Variants in APCDD1 observed in about 807,000 individuals in gnomAD.
APCDD1 encodes the protein protein APCDD1.
Under a neutral mutation model 38.1 loss-of-function variants are expected in APCDD1, and 15 were observed. The observed-to-expected ratio is 0.39, with a 90% CI of 0.26 to 0.61. The LOEUF (loss-of-function observed/expected upper bound fraction) is 0.61. Ranked by LOEUF, APCDD1 falls within the 20% of genes least tolerant of loss-of-function variation. The probability of loss-of-function intolerance (pLI) is 0.49; values close to 1 mark genes in which losing one functional copy is unlikely to be tolerated. For synonymous variants in APCDD1, 261 were observed against 279.7 expected (o/e 0.93, Z 0.67); for missense variants, 647 against 696.2 (o/e 0.93, Z 0.79).
At chr18:10,481,685 A>T (rs1011974594) in intron 3 of APCDD1, among the ~76,000 whole-genome samples, 25 of 151,610 alleles carry the variant, frequency 1.6e-4, no homozygotes, top group African/African-American at 5.3e-4. Context: ...ACAGTAATAA[A>T]AAAAAAAAAG....
rs2031241475 is a variant in APCDD1, at chr18:10,485,890, A to G, written c.1096+107A>G. 2 of 1,292,938 alleles carry G rather than the reference A, an allele frequency of 1.5e-6. No individual in the cohort carries two copies. The highest frequency in any genetic ancestry group is 2.5e-5 in the East Asian group (1 of 39,956). 80.1% of individuals were successfully genotyped at this position (1,292,938 alleles called of 1,614,324 possible). ...GGACCTCTTTTCTGCCTGAGTTCCC[A>G]GGAAAGAAATTGGGGAGTCATTTCT... On this transcript the variant is annotated intron_variant, in intron 4 of 4. Transcript: ENST00000355285. The surrounding 1 kb of genome is among the most constrained non-coding windows in gnomAD (Gnocchi z 5.8).
intron 1 of APCDD1, among the ~76,000 whole-genome samples, chr18:10,463,638 T>C (rs1420288185): frequency 6.6e-6 from 1 of 152,190 alleles, no homozygotes; most frequent in Non-Finnish European, 1.5e-5. Flanking sequence ...AGGAAAGTCA[T>C]CCACATTTGC....
intron 3 of APCDD1, among the ~76,000 whole-genome samples, chr18:10,481,980 A>G (rs1056365777): frequency 6.6e-6 from 1 of 152,094 alleles, no homozygotes; most frequent in African/African-American, 2.4e-5. Flanking sequence ...ATTATTGCTA[A>G]AGGAAAGCAC....
chr18:10,473,574 T>C (rs1357104581), intron 3 of APCDD1, among the ~76,000 whole-genome samples: 1 of 152,206 alleles, frequency 6.6e-6, no homozygotes, highest in Non-Finnish European at 1.5e-5. Context: ...TTTCCTAGAA[T>C]GGGACACAGG....
chr18:10,481,944 G>A (rs1786682), intron 3 of APCDD1, among the ~76,000 whole-genome samples: 82,766 of 151,902 alleles, frequency 0.54, 24,009 homozygotes, highest in African/African-American at 0.75. Context: ...CTGGGTCCTC[G>A]TCTCGGAGCT....
chr18:10,460,144 A>T (rs1336826098), intron 1 of APCDD1, among the ~76,000 whole-genome samples: 1 of 152,230 alleles, frequency 6.6e-6, no homozygotes, highest in Non-Finnish European at 1.5e-5. Flanking sequence ...ATAGATCAGA[A>T]CTTTTGATTT....
In APCDD1 at chr18:10,488,071, G is replaced by A. The variant is rs1365542801; in HGVS notation, c.*33G>A. On this transcript the variant is annotated 3_prime_UTR_variant, in exon 5 of 5. Coordinates refer to ENST00000355285, the MANE Select transcript of APCDD1 (RefSeq NM_153000.5). ...AGAAAGTTCTATTTTTCCAAACCAG[G>A]ATTCCTTACTATTGACAGATTTGCT... 6.2e-7 allele frequency: 1 copy of A among 1,609,610 alleles called. No homozygotes were observed. The highest frequency in any genetic ancestry group is 1.3e-5 in the African/African-American group (1 of 74,874).
At position 10,471,560 on chromosome 18, in the gene APCDD1, CACAAGGTCCT is replaced by C. The variant is rs754683546; in HGVS notation, c.277_286del (p.Arg93AspfsTer57). ...AAGTAAGGTCAGGCCCAGAGTTCATCACAAGGTCCTACAGATTCTACCACAATAACACCTT... is the reference window on the plus strand; with the variant it reads ...AAGTAAGGTCAGGCCCAGAGTTCATCACAGATTCTACCACAATAACACCTT... On this transcript the variant is annotated frameshift_variant, in exon 3 of 5. Transcript: ENST00000355285. LOFTEE classifies it high-confidence loss of function. The surrounding 1 kb of genome is among the most constrained non-coding windows in gnomAD (Gnocchi z 5.5). 3 of 1,614,226 alleles carry C rather than the reference CACAAGGTCCT, an allele frequency of 1.9e-6. No individual in the cohort carries two copies. The highest frequency in any genetic ancestry group is 2.5e-6 in the Non-Finnish European group (3 of 1,180,046).
At chr18:10,468,695 C>T in intron 2 of APCDD1, 43 bp downstream of exon 2, 1 of 1,597,822 alleles carries the variant, frequency 6.3e-7, no homozygotes, top group Non-Finnish European at 8.6e-7. Flanking sequence ...GAGAGCACAC[C>T]ACTATGGAAG....
intron 3 of APCDD1, among the ~76,000 whole-genome samples, chr18:10,484,636 G>A (rs1204158324): frequency 6.6e-6 from 1 of 152,016 alleles, no homozygotes; most frequent in East Asian, 1.9e-4. Context: ...CTATGAATTT[G>A]ATCACTCTAG....
At chr18:10,479,095 A>C (rs952223681) in intron 3 of APCDD1, among the ~76,000 whole-genome samples, 4 of 152,258 alleles carry the variant, frequency 2.6e-5, no homozygotes, top group African/African-American at 9.6e-5. Flanking sequence ...CTCGTAATAC[A>C]GAAGACCCGA....
At chr18:10,484,587 C>T (rs933128766) in intron 3 of APCDD1, among the ~76,000 whole-genome samples, 2 of 152,060 alleles carry the variant, frequency 1.3e-5, no homozygotes, top group African/African-American at 2.4e-5. Context: ...CCTTGTCCCC[C>T]CCTTCCAGCT....
intron 1 of APCDD1, among the ~76,000 whole-genome samples, chr18:10,456,476 G>A (rs942802646): frequency 6.6e-6 from 1 of 152,124 alleles, no homozygotes; most frequent in African/African-American, 2.4e-5. Context: ...TAAAAAAATT[G>A]TTGTAATATC....
chr18:10,487,425 C>T (rs1268419308), intron 4 of APCDD1, among the ~76,000 whole-genome samples, 165 bp from the exon 5 acceptor site: 1 of 152,174 alleles, frequency 6.6e-6, no homozygotes, highest in African/African-American at 2.4e-5. Context: ...CTCCGCCTGA[C>T]AGTGCTTTGA....
chr18:10,462,643 CTCCTTCCTTCCT>C (rs765196609), intron 1 of APCDD1, among the ~76,000 whole-genome samples: 13 of 15,802 alleles, frequency 8.2e-4, no homozygotes, highest in African/African-American at 4.6e-3. Flanking sequence ...CCTTCCCTCC[CTCCTTCCTTCCT>C]TCCTTCCTTC....
In APCDD1 at chr18:10,472,012, G is replaced by T. The variant is rs1568004511; in HGVS notation, c.725G>T (p.Arg242Met). The T allele has an allele frequency of 1.2e-6, 2 of 1,613,906 alleles. No individual in the cohort carries two copies. The highest frequency in any genetic ancestry group is 2.2e-5 in the East Asian group (1 of 44,870). The change falls in exon 3 of 5, where the codon AGG becomes ATG. Residue 242 changes from arginine (R) to methionine (M), a missense_variant. Coordinates refer to ENST00000355285, the MANE Select transcript of APCDD1 (RefSeq NM_153000.5). This position sits in a 1 kb window ranked among gnomAD's most constrained non-coding sequence, Gnocchi z 6.6. ...GACATTCACACTGATGCCACCCAGA[G>T]GATGTTCTACCGGCCCTCCAGTTAC... ...LGDIHTDATQ[R>M]MFYRPSSYQP...
Position 10,489,840 on chromosome 18 carries a change from T to C in APCDD1, c.*1802T>C, listed in dbSNP as rs989606319. On this transcript the variant is annotated 3_prime_UTR_variant, in exon 5 of 5. Coordinates refer to ENST00000355285, the MANE Select transcript of APCDD1 (RefSeq NM_153000.5). ...TGAGGGGGCTTATTCAAAATGAAAA[T>C]ACTAACTTAAATGGCCACCAAGTTC... The C allele has an allele frequency of 1.3e-5, 2 of 151,942 alleles. No individual in the cohort carries two copies. The highest frequency in any genetic ancestry group is 2.9e-5 in the Non-Finnish European group (2 of 67,992). The allele number at this position is 151,942 out of a possible 1,614,324, so 9.4% of individuals were successfully genotyped here.
chr18:10,469,280 C>T lies in APCDD1; in HGVS notation c.242+628C>T, dbSNP rs59521360. ...GACTAACTCTGGGATCTGATCACTT[C>T]TCCCTGTGCGCTGTTCCCGGGATAT... is the stretch of plus-strand genomic sequence containing the variant. On this transcript the variant is annotated intron_variant, in intron 2 of 4. Transcript: ENST00000355285. This position sits in a 1 kb window ranked among gnomAD's most constrained non-coding sequence, Gnocchi z 5.5. Among the ~76,000 whole-genome samples, 1,506 of 152,206 alleles carry T rather than the reference C, an allele frequency of 9.9e-3. 23 individuals carry two copies. The highest frequency in any genetic ancestry group is 0.034 in the African/African-American group (1,433 of 41,538).
At chr18:10,484,520 C>T (rs2031207423) in intron 3 of APCDD1, among the ~76,000 whole-genome samples, 1 of 152,186 alleles carries the variant, frequency 6.6e-6, no homozygotes, top group South Asian at 2.1e-4. Flanking sequence ...ATACAACCAT[C>T]ACCACCATCC....
Sources: allele counts gnomAD v4.1 joint callset (sites outside exome capture counted in the v4.1 genomes callset), GRCh38; gene constraint gnomAD v4.1.1; non-coding constraint Gnocchi (gnomAD v3.1); transcripts MANE v1.5; gene names NCBI Gene and HGNC (gene_info 2026-07-23, HGNC 2026-07-21).